Variants in DENND4C observed in about 807,000 individuals in gnomAD.
DENND4C encodes the protein DENN domain-containing protein 4C.
In DENND4C, 108 loss-of-function variants were observed where a neutral mutation model predicts 203.0. The ratio of observed to expected loss-of-function variants is 0.53; its 90% confidence interval spans 0.46 to 0.62. The LOEUF is 0.62. DENND4C is among the 20% of genes least tolerant of loss of function. The pLI is 0.00. For synonymous variants in DENND4C, 871 were observed against 792.4 expected (o/e 1.10, Z -1.67); for missense variants, 2,481 against 2,301.2 (o/e 1.08, Z -1.60).
chr9:19,302,024 G>C (rs571410388), intron 9 of DENND4C, among the ~76,000 whole-genome samples: 1 of 152,286 alleles, frequency 6.6e-6, no homozygotes, highest in South Asian at 2.1e-4. Context: ...CAAGTCTTTT[G>C]ATGGATTTCA....
In DENND4C at chr9:19,342,796, TG is replaced by T; in HGVS notation, c.3151+19del. 1 of 1,559,210 alleles carries T rather than the reference TG, an allele frequency of 6.4e-7. No individual in the cohort carries two copies. The highest frequency in any genetic ancestry group is 8.6e-7 in the Non-Finnish European group (1 of 1,156,768). The stretch of plus-strand genomic sequence containing the variant: ...GTAGCACTGGTGAGTCTTTACATTT[TG>T]GTTATTAAATATTTAAAATATACTT... On this transcript the variant is annotated intron_variant, in intron 22 of 32. Coordinates refer to ENST00000434457, the MANE Select transcript of DENND4C (RefSeq NM_001330640.2).
intron 5 of DENND4C, among the ~76,000 whole-genome samples, chr9:19,293,954 T>G (rs1332188460): frequency 6.6e-6 from 1 of 152,216 alleles, no homozygotes; most frequent in African/African-American, 2.4e-5. Flanking sequence ...TGAACATGAC[T>G]TCGAAGTTTC....
chr9:19,371,894 C>A (rs1828902428), intron 32 of DENND4C, 74 bp downstream of exon 32: 3 of 1,315,210 alleles, frequency 2.3e-6, no homozygotes, highest in Non-Finnish European at 3.2e-6. Context: ...AAAAATGTAG[C>A]TGGTATGTAT....
chr9:19,357,849 A>G, intron 27 of DENND4C, 116 bp from the exon 28 acceptor site: 1 of 832,810 alleles, frequency 1.2e-6, no homozygotes, highest in East Asian at 2.7e-5. Context: ...GGTGGTGCTG[A>G]TTCTTCTTAG....
intron 1 of DENND4C, among the ~76,000 whole-genome samples, chr9:19,247,999 C>G (rs540169402): frequency 6.6e-6 from 1 of 152,276 alleles, no homozygotes; most frequent in Non-Finnish European, 1.5e-5. Context: ...TATCTCTTTT[C>G]TGGGTTATTT....
At chr9:19,270,410 C>T (rs1232928380) in intron 1 of DENND4C, among the ~76,000 whole-genome samples, 2 of 152,128 alleles carry the variant, frequency 1.3e-5, no homozygotes, top group African/African-American at 4.8e-5. Flanking sequence ...GGGCCTCTAG[C>T]CTCTGGAGTT....
intron 16 of DENND4C, 95 bp from the exon 17 acceptor site, chr9:19,331,883 G>A (rs967145614): frequency 8.8e-5 from 107 of 1,215,050 alleles, no homozygotes; most frequent in Admixed American, 5.0e-4. Context: ...AGGGGGTCAA[G>A]TTTTACTTAA....
chr9:19,329,448 C>G lies in DENND4C; in HGVS notation c.2253+1286C>G, dbSNP rs1460379643. 6.6e-5 allele frequency among the ~76,000 whole-genome samples: 10 copies of G among 152,266 alleles called. No homozygotes were observed. The East Asian group carries it at 1.5e-3, about 23-fold the overall frequency. ...TGTGGATATACCATATTTTATTTGT[C>G]TATTCATAGACATGTGGATACTTCC... On this transcript the variant is annotated intron_variant, in intron 16 of 32. Transcript: ENST00000434457.
At chr9:19,316,298 G>C in intron 10 of DENND4C, 119 bp from the exon 11 acceptor site, 1 of 720,764 alleles carries the variant, frequency 1.4e-6, no homozygotes, top group African/African-American at 1.8e-5. Flanking sequence ...GTTTGCATCA[G>C]TTAAGACTGT....
intron 2 of DENND4C, among the ~76,000 whole-genome samples, chr9:19,283,333 T>A (rs1273406503): frequency 6.6e-6 from 1 of 152,148 alleles, no homozygotes; most frequent in East Asian, 1.9e-4. Flanking sequence ...TCTTCTATGA[T>A]AAGAATGCCT....
Position 19,369,900 on chromosome 9 carries a change from C to T in DENND4C, c.5588C>T (p.Thr1863Ile). The T allele has an allele frequency of 6.2e-7, 1 of 1,613,642 alleles. No homozygotes were observed. ...CAAGAAACAAGCACTTTAGTAGAAA[C>T]CATCAGGCAGAGTATTCAGCACAAT... Reference protein sequence around the residue: ...EQQETSTLVETIRQSIQHNNV... With the variant: ...EQQETSTLVEIIRQSIQHNNV... Residue 1863 changes from threonine (T) to isoleucine (I), a missense_variant, in exon 31 of 33, where the codon ACC (threonine) becomes ATC (isoleucine). By Grantham distance (89) the Thr-to-Ile change is moderately conservative (BLOSUM62 -1). Transcript: ENST00000434457.
chr9:19,374,205 C>G lies in DENND4C; in HGVS notation c.*2032C>G, dbSNP rs1472249435. ...ATTTTGTTTTTTCCATTCCTTCACTCGTAACTTGAACTCAAGTTTTCACTT... is the reference window on the plus strand; with the variant it reads ...ATTTTGTTTTTTCCATTCCTTCACTGGTAACTTGAACTCAAGTTTTCACTT... On this transcript the variant is annotated 3_prime_UTR_variant, in exon 33 of 33. Coordinates refer to ENST00000434457, the MANE Select transcript of DENND4C (RefSeq NM_001330640.2). 6.6e-6 allele frequency among the ~76,000 whole-genome samples: 1 copy of G among 151,988 alleles called. No homozygotes were observed. Among genetic ancestry groups the G allele is most frequent in the African/African-American group, 2.4e-5 (1 of 41,360 alleles).
At chr9:19,356,359 A>G (rs1825396553) in intron 26 of DENND4C, among the ~76,000 whole-genome samples, 1 of 152,164 alleles carries the variant, frequency 6.6e-6, no homozygotes, top group Non-Finnish European at 1.5e-5. Context: ...TGAAGAATAA[A>G]TGCATGTATT....
At chr9:19,313,807 A>G (rs1260787354) in intron 10 of DENND4C, among the ~76,000 whole-genome samples, 2 of 152,186 alleles carry the variant, frequency 1.3e-5, no homozygotes, top group African/African-American at 4.8e-5. Context: ...GCGTGCTGTC[A>G]AACTCATAAC....
rs1465295739 is a variant in DENND4C at position 19,316,743 on chromosome 9, G to A, written c.1711G>A (p.Ala571Thr). The stretch of plus-strand genomic sequence containing the variant: ...TCAAGAGGCATTTTTGCGCTTTATG[G>A]CGTCTATTTTAAAAGGATATAGAAC... ...EIQEAFLRFM[A>T]SILKGYRTYL... is the part of the protein sequence containing the mutation. Residue 571 changes from alanine (A) to threonine (T), a missense_variant, in exon 12 of 33, where the codon GCG becomes ACG. Coordinates refer to ENST00000434457, the MANE Select transcript of DENND4C (RefSeq NM_001330640.2). 1.2e-6 allele frequency: 2 copies of A among 1,613,920 alleles called. No individual in the cohort carries two copies. Among genetic ancestry groups the A allele is most frequent in the African/African-American group, 2.7e-5 (2 of 74,906 alleles).
At chr9:19,330,317 T>C (rs1818778736) in intron 16 of DENND4C, among the ~76,000 whole-genome samples, 1 of 145,896 alleles carries the variant, frequency 6.9e-6, no homozygotes, top group Non-Finnish European at 1.5e-5. Context: ...AAAAGTAAAA[T>C]TAATATACCA....
chr9:19,336,050 T>C (rs1820391359), intron 18 of DENND4C, among the ~76,000 whole-genome samples: 2 of 152,136 alleles, frequency 1.3e-5, no homozygotes, highest in Admixed American at 1.3e-4. Flanking sequence ...TTTGACAATA[T>C]TCTAACAAGT....
chr9:19,300,214 G>C lies in DENND4C; in HGVS notation c.1194G>C (p.Met398Ile). The stretch of plus-strand genomic sequence containing the variant: ...GAGCCAACTTTAGCACCTTGCTAAT[G>C]AATCTGGGTCCTGAGAATTGTGCAA... ...LSGANFSTLL[M>I]NLGPENCATL... Residue 398 changes from methionine to isoleucine, a missense_variant, in exon 9 of 33, where the codon ATG becomes ATC. Coordinates refer to ENST00000434457, the MANE Select transcript of DENND4C (RefSeq NM_001330640.2). The C allele has an allele frequency of 6.2e-7, 1 of 1,609,894 alleles. No homozygotes were observed. The highest frequency in any genetic ancestry group is 2.2e-5 in the East Asian group (1 of 44,804).
intron 2 of DENND4C, 53 bp from the exon 3 acceptor site, chr9:19,286,716 G>C (rs1305386057): frequency 8.6e-7 from 1 of 1,164,636 alleles, no homozygotes; most frequent in African/African-American, 1.6e-5. Flanking sequence ...ATGTACATAT[G>C]TATGTGTGTA....
Sources: gnomAD v4.1 joint callset for allele counts (sites outside exome capture counted in the v4.1 genomes callset) on GRCh38, gnomAD v4.1.1 for gene constraint, MANE v1.5 for transcripts, NCBI Gene and HGNC (gene_info 2026-07-23, HGNC 2026-07-21) for gene names.